The following RUNX1 variants were observed in gnomAD, a reference collection of about 807,000 sequenced individuals.
RUNX1 encodes the protein RUNX family transcription factor 1.
RUNX1 carries 19 observed loss-of-function variants against 42.8 expected under a neutral mutation model. That is an observed-to-expected ratio of 0.44 (90% CI 0.31 to 0.65). The LOEUF (loss-of-function observed/expected upper bound fraction) is 0.65, where lower values mean the gene tolerates loss of function less well. Among genes scored for constraint, RUNX1 ranks in the 30% least tolerant of loss-of-function variants. The pLI, the probability that RUNX1 is intolerant of heterozygous loss-of-function variation, is 0.07. For synonymous variants in RUNX1, 271 were observed against 289.4 expected, an observed-to-expected ratio of 0.94 and a Z score of 0.64; for missense variants, 528 against 672.0, an observed-to-expected ratio of 0.79 and a Z score of 2.37.
At chr21:34,906,367 C>G (rs2146504470) in intron 2 of RUNX1, among the ~76,000 whole-genome samples, 1 of 152,252 alleles carries the variant, frequency 6.6e-6, no homozygotes, top group Non-Finnish European at 1.5e-5. Flanking sequence ...AAGCAAAAGC[C>G]TTATTTGTGC....
intron 7 of RUNX1, among the ~76,000 whole-genome samples, chr21:34,820,581 A>T (rs2056894240): frequency 1.3e-5 from 2 of 151,952 alleles, no homozygotes; most frequent in African/African-American, 4.8e-5. Context: ...AGGCAGGAGA[A>T]TCCCCTGAAC....
chr21:34,950,642 T>C (rs936170849), intron 2 of RUNX1, among the ~76,000 whole-genome samples: 4 of 152,098 alleles, frequency 2.6e-5, no homozygotes, highest in Admixed American at 2.6e-4. Context: ...GAGGCTGAGG[T>C]AGGAGAATCA....
chr21:34,968,381 G>A (rs1344023026), intron 2 of RUNX1, among the ~76,000 whole-genome samples: 2 of 152,114 alleles, frequency 1.3e-5, no homozygotes, highest in African/African-American at 4.8e-5. Context: ...CCAAATGTGG[G>A]ACAAGACCCT....
chr21:34,844,520 C>T (rs2057289128), intron 6 of RUNX1, among the ~76,000 whole-genome samples: 1 of 152,162 alleles, frequency 6.6e-6, no homozygotes, highest in Admixed American at 6.5e-5. Flanking sequence ...TTGGACAGGA[C>T]CGAGGTAAAG....
At chr21:34,793,280 A>C (rs1259858704) in intron 8 of RUNX1, among the ~76,000 whole-genome samples, 1 of 152,146 alleles carries the variant, frequency 6.6e-6, no homozygotes, top group Non-Finnish European at 1.5e-5. Flanking sequence ...GTAATATAAT[A>C]CGGTAATATA....
intron 7 of RUNX1, among the ~76,000 whole-genome samples, chr21:34,815,931 A>C (rs1487891360): frequency 6.6e-6 from 1 of 152,150 alleles, no homozygotes; most frequent in Non-Finnish European, 1.5e-5. Context: ...GAAGGCTGTG[A>C]AAGTGATGAG....
intron 2 of RUNX1, among the ~76,000 whole-genome samples, chr21:34,970,199 A>C (rs1234080244): frequency 6.6e-6 from 1 of 152,218 alleles, no homozygotes; most frequent in African/African-American, 2.4e-5. Flanking sequence ...TTCACTTCCC[A>C]GAATCATGGC....
At chr21:35,024,459 T>C (rs1198568591) in intron 2 of RUNX1, among the ~76,000 whole-genome samples, 1 of 152,244 alleles carries the variant, frequency 6.6e-6, no homozygotes, top group East Asian at 1.9e-4. Context: ...AATACCCTAA[T>C]ACAACACAAT....
rs185719210 is a variant in RUNX1, at chr21:35,019,206, C to T, written c.58+29636G>A. On this transcript the variant is annotated intron_variant, in intron 2 of 8. Transcript: ENST00000675419. ...TCGTCCTCAACCACACCTGGCACTT[C>T]CTGCCTTGCAGGTGCTGCTTTCTTC... Among the ~76,000 whole-genome samples the T allele has an allele frequency of 1.2e-4, 19 of 152,356 alleles. No individual in the cohort carries two copies. The East Asian group carries it at 3.7e-3, about 29-fold the overall frequency.
intron 2 of RUNX1, among the ~76,000 whole-genome samples, chr21:34,898,241 T>G (rs113178359): frequency 1.9e-3 from 295 of 152,310 alleles, no homozygotes; most frequent in African/African-American, 6.1e-3. Flanking sequence ...ATTTTTGGCC[T>G]TATGAAGCTG....
intron 2 of RUNX1, among the ~76,000 whole-genome samples, chr21:35,013,039 G>A (rs1346890926): frequency 6.6e-6 from 1 of 152,214 alleles, no homozygotes; most frequent in Non-Finnish European, 1.5e-5. Context: ...ACTTCAGTTT[G>A]CTGAGCCCTG....
chr21:34,995,682 T>G (rs2058989443), intron 2 of RUNX1, among the ~76,000 whole-genome samples: 1 of 152,126 alleles, frequency 6.6e-6, no homozygotes, highest in Non-Finnish European at 1.5e-5. Flanking sequence ...CTCAAGCCAT[T>G]CACCCGCCTT....
At chr21:34,847,540 A>T (rs900853230) in intron 6 of RUNX1, among the ~76,000 whole-genome samples, 3 of 152,178 alleles carry the variant, frequency 2.0e-5, no homozygotes, top group Non-Finnish European at 4.4e-5. Flanking sequence ...CAGACTACTT[A>T]AAAAGCACAT....
intron 2 of RUNX1, among the ~76,000 whole-genome samples, chr21:34,985,627 T>C: frequency 6.6e-6 from 1 of 152,180 alleles, no homozygotes. Flanking sequence ...CCTTTGGGGA[T>C]ACCATATGGG....
intron 2 of RUNX1, among the ~76,000 whole-genome samples, chr21:35,038,158 T>C (rs1305472636): frequency 1.3e-5 from 2 of 152,180 alleles, no homozygotes. Context: ...GATGAGAAAC[T>C]TGGGGCTCCG....
chr21:35,048,876 C>T lies in RUNX1; in HGVS notation c.24G>A (p.Glu8=). The change falls in exon 2 of 9, where the codon GAG becomes GAA. Residue 8 remains glutamate (E), a synonymous_variant. Coordinates refer to ENST00000675419, the MANE Select transcript of RUNX1 (RefSeq NM_001754.5). MASDSIF[E]SFPSYPQCFM... is the part of the protein sequence containing the mutation. ...AGCACTGTGGGTACGAAGGAAATGA[C>T]TCAAATATGCTGTCTGAAGCCATCG... 6.2e-7 allele frequency: 1 copy of T among 1,614,010 alleles called. No individual in the cohort carries two copies.
chr21:35,020,116 A>C (rs372775437), intron 2 of RUNX1, among the ~76,000 whole-genome samples: 1 of 152,198 alleles, frequency 6.6e-6, no homozygotes, highest in Non-Finnish European at 1.5e-5. Context: ...CAATAAAAAA[A>C]CTGAAAAAGT....
At chr21:34,821,275 A>G in intron 7 of RUNX1, 1 of 1,084,606 alleles carries the variant, frequency 9.2e-7, no homozygotes, top group Non-Finnish European at 1.1e-6. Flanking sequence ...ATAAATAGCA[A>G]TAATAGTGAA....
chr21:34,848,299 A>C (rs566145307), intron 6 of RUNX1, among the ~76,000 whole-genome samples: 64 of 152,332 alleles, frequency 4.2e-4, no homozygotes, highest in Non-Finnish European at 7.9e-4. Context: ...CTTTCAGGCT[A>C]TCTCTTTTAA....
Sources: gnomAD v4.1 joint callset for allele counts (sites outside exome capture counted in the v4.1 genomes callset) on GRCh38, gnomAD v4.1.1 for gene constraint, MANE v1.5 for transcripts, NCBI Gene and HGNC (gene_info 2026-07-23, HGNC 2026-07-21) for gene names.